CAMTA1: variants seen among roughly 807,000 people sequenced by gnomAD.
CAMTA1 encodes calmodulin-binding transcription activator 1.
CAMTA1 carries 27 observed loss-of-function variants against 170.9 expected under a neutral mutation model. The ratio of observed to expected loss-of-function variants is 0.16; its 90% CI spans 0.12 to 0.22. CAMTA1 has a LOEUF of 0.22. Ranked by LOEUF, CAMTA1 falls within the 10% of genes least tolerant of loss-of-function variation. CAMTA1 has a pLI of 1.00. For missense variants in CAMTA1, 1,619 were observed against 2,217.2 expected (o/e 0.73, Z 5.42); for synonymous variants, 833 against 891.5 (o/e 0.93, Z 1.17).
At chr1:6,906,255 A>C (rs1184983158) in intron 3 of CAMTA1, among the ~76,000 whole-genome samples, 1 of 152,132 alleles carries the variant, frequency 6.6e-6, no homozygotes, top group African/African-American at 2.4e-5. Context: ...CCCCCTGCCA[A>C]GGGGTCTTTC....
At chr1:7,479,926 T>C (rs2093484307) in intron 6 of CAMTA1, among the ~76,000 whole-genome samples, 1 of 102,610 alleles carries the variant, frequency 9.7e-6, no homozygotes, top group Non-Finnish European at 2.0e-5. Flanking sequence ...TGTGTGAATG[T>C]GTATATGTGT....
At chr1:6,812,548 T>C (rs139089270) in intron 1 of CAMTA1, among the ~76,000 whole-genome samples, 2 of 152,384 alleles carry the variant, frequency 1.3e-5, no homozygotes, top group African/African-American at 4.8e-5. Flanking sequence ...TTAAATGTTA[T>C]ACAGTTTTTT....
intron 4 of CAMTA1, among the ~76,000 whole-genome samples, chr1:7,241,887 C>A (rs6670323): frequency 0.56 from 84,681 of 151,916 alleles, 24,371 homozygotes; most frequent in East Asian, 0.7. Flanking sequence ...ACCTTGGGTT[C>A]GGCAAAGCAC....
chr1:7,623,087 C>T (rs2095610100), intron 6 of CAMTA1, among the ~76,000 whole-genome samples: 1 of 152,204 alleles, frequency 6.6e-6, no homozygotes, highest in Non-Finnish European at 1.5e-5. Flanking sequence ...AATTCTCCAC[C>T]CACCCCCATT....
Position 6,970,942 on chromosome 1 carries a change from A to C in CAMTA1, c.235-120362A>C, listed in dbSNP as rs1284742375. On this transcript the variant is annotated intron_variant, in intron 3 of 22. Coordinates refer to ENST00000303635, the MANE Select transcript of CAMTA1 (RefSeq NM_015215.4). This position sits in a 1 kb window ranked among gnomAD's most constrained non-coding sequence, Gnocchi z 4.4. ...GTCTGTTTCCAGCCTCTCCTTTCCT[A>C]AACCAGGCCGGCCCTGTCAGCCTGG... Among the ~76,000 whole-genome samples the C allele has an allele frequency of 2.6e-5, 4 of 152,036 alleles. No homozygotes were observed.
chr1:7,011,602 C>T (rs1418865007), intron 3 of CAMTA1, among the ~76,000 whole-genome samples: 2 of 152,228 alleles, frequency 1.3e-5, no homozygotes, highest in African/African-American at 4.8e-5. Context: ...CCCAGAGCAT[C>T]CGTGTCAAAA....
chr1:7,655,567 CACCCACCTACACACACAA>C (rs1423458713), intron 7 of CAMTA1, among the ~76,000 whole-genome samples: 2 of 148,662 alleles, frequency 1.3e-5, no homozygotes, highest in African/African-American at 5.0e-5. Flanking sequence ...CACACAAACA[CACCCACCTACACACACAA>C]ACACCCCTAT....
chr1:7,079,365 A>G (rs1328997560), intron 3 of CAMTA1, among the ~76,000 whole-genome samples: 2 of 152,368 alleles, frequency 1.3e-5, no homozygotes, highest in East Asian at 1.9e-4. Flanking sequence ...CAAAAGCTAT[A>G]AACTCACTGA....
At chr1:6,960,511 C>T (rs957671707) in intron 3 of CAMTA1, among the ~76,000 whole-genome samples, 2 of 152,120 alleles carry the variant, frequency 1.3e-5, no homozygotes, top group African/African-American at 4.8e-5. Context: ...GTGGAGAGCT[C>T]GTCTTTCAAA....
intron 5 of CAMTA1, among the ~76,000 whole-genome samples, chr1:7,360,965 G>A (rs1359331415): frequency 1.3e-5 from 2 of 152,226 alleles, no homozygotes; most frequent in Non-Finnish European, 2.9e-5. Flanking sequence ...CTGGGTGGCT[G>A]GTAGAGCAGC....
intron 3 of CAMTA1, among the ~76,000 whole-genome samples, chr1:7,039,600 G>A (rs6686587): frequency 0.5 from 75,465 of 151,970 alleles, 18,884 homozygotes; most frequent in Non-Finnish European, 0.52. Flanking sequence ...CTCAAGGGGC[G>A]TTCTATTCTG....
intron 3 of CAMTA1, among the ~76,000 whole-genome samples, chr1:6,871,211 CTT>C (rs200488465): frequency 3.9e-5 from 6 of 151,906 alleles, no homozygotes; most frequent in African/African-American, 9.7e-5. Context: ...CTTAAAATGT[CTT>C]TTTTTTCCCC....
At chr1:7,347,908 T>C (rs845242) in intron 5 of CAMTA1, among the ~76,000 whole-genome samples, 96,960 of 152,066 alleles carry the variant, frequency 0.64, 31,264 homozygotes, top group East Asian at 0.82. Flanking sequence ...CCACAAAGAC[T>C]GTATTTCCAA....
intron 5 of CAMTA1, among the ~76,000 whole-genome samples, chr1:7,259,864 A>G (rs1190943942): frequency 1.3e-5 from 2 of 152,182 alleles, no homozygotes; most frequent in African/African-American, 4.8e-5. Context: ...CTGTTCTTCC[A>G]TCCTTTAGCT....
Position 6,969,922 on chromosome 1 carries a change from ATGTCGATACAG to A in CAMTA1, c.235-121379_235-121369del, listed in dbSNP as rs565925722. On this transcript the variant is annotated intron_variant, in intron 3 of 22. Coordinates refer to ENST00000303635, the MANE Select transcript of CAMTA1 (RefSeq NM_015215.4). ...TGACAGTATCACAGCCAGGACCCAG[ATGTCGATACAG>A]TGCACATGTGCAGTTCTGTGTTGCT... Among the ~76,000 whole-genome samples, 32 of 152,318 alleles carry A rather than the reference ATGTCGATACAG, an allele frequency of 2.1e-4. No homozygotes were observed. The East Asian group carries it at 5.6e-3, about 27-fold the overall frequency.
chr1:7,089,037 G>C (rs564213202), intron 3 of CAMTA1, among the ~76,000 whole-genome samples: 2 of 152,344 alleles, frequency 1.3e-5, no homozygotes, highest in East Asian at 3.9e-4. Flanking sequence ...GATTAATCCA[G>C]CAGTGGTGGC....
At position 7,562,209 on chromosome 1, in the gene CAMTA1, T is replaced by C. The variant is rs2094966191; in HGVS notation, c.511-78191T>C. On this transcript the variant is annotated intron_variant, in intron 6 of 22. Coordinates refer to ENST00000303635, the MANE Select transcript of CAMTA1 (RefSeq NM_015215.4). This position sits in a 1 kb window ranked among gnomAD's most constrained non-coding sequence, Gnocchi z 4.8. The stretch of plus-strand genomic sequence containing the variant: ...CCCCAGCTCCGGCCCCTCCCAAATC[T>C]GCTATTGTAAGCACTACACAAAACT... Among the ~76,000 whole-genome samples the C allele has an allele frequency of 6.6e-6, 1 of 152,188 alleles. No homozygotes were observed.
At chr1:7,737,789 G>A (rs748367342) in intron 15 of CAMTA1, among the ~76,000 whole-genome samples, 170 bp from the exon 16 acceptor site, 1 of 152,220 alleles carries the variant, frequency 6.6e-6, no homozygotes, top group Non-Finnish European at 1.5e-5. Context: ...TAATTTTGGA[G>A]GAGGAAGATC....
At chr1:7,649,360 C>T (rs1377247788) in intron 7 of CAMTA1, among the ~76,000 whole-genome samples, 50 of 152,184 alleles carry the variant, frequency 3.3e-4, no homozygotes, top group Admixed American at 3.1e-3. Flanking sequence ...GCAGCGATAG[C>T]GCTGGGGGTT....
Sources: allele counts gnomAD v4.1 joint callset (sites outside exome capture counted in the v4.1 genomes callset), GRCh38; gene constraint gnomAD v4.1.1; non-coding constraint Gnocchi (gnomAD v3.1); transcripts MANE v1.5; gene names NCBI Gene and HGNC (gene_info 2026-07-23, HGNC 2026-07-21).